The following CADM2 variants were observed in gnomAD, a reference collection of about 807,000 sequenced individuals.
CADM2 encodes immunoglobulin superfamily member 4D.
A neutral mutation model predicts 49.8 loss-of-function variants in CADM2; 12 were observed. The observed-to-expected ratio is 0.24, with a 90% CI of 0.15 to 0.39. The LOEUF (loss-of-function observed/expected upper bound fraction) is 0.39, where lower values mean the gene tolerates loss of function less well. Ranked by LOEUF, CADM2 falls within the 10% of genes least tolerant of loss-of-function variation. CADM2 has a pLI of 1.00. For synonymous variants in CADM2, 214 were observed against 175.4 expected, an observed-to-expected ratio of 1.22 and a Z score of -1.74; for missense variants, 378 against 492.3, an observed-to-expected ratio of 0.77 and a Z score of 2.20.
intron 7 of CADM2, among the ~76,000 whole-genome samples, chr3:85,948,739 A>G (rs1270338072): frequency 6.6e-6 from 1 of 151,464 alleles, no homozygotes; most frequent in Non-Finnish European, 1.5e-5. Context: ...ATAAAATAAA[A>G]TAAACAGCAA....
chr3:85,323,300 T>C lies in CADM2; in HGVS notation c.61+363632T>C, dbSNP rs137949455. The stretch of plus-strand genomic sequence containing the variant: ...AGACTTCCCTTAAATGGGACCTATT[T>C]GGTAGCATTTAATTCTGCAATATAT... On this transcript the variant is annotated intron_variant, in intron 1 of 9. Transcript: ENST00000383699. Among the ~76,000 whole-genome samples, 280 of 152,298 alleles carry C rather than the reference T, an allele frequency of 1.8e-3. 1 individual carries two copies. The highest frequency in any genetic ancestry group is 6.2e-3 in the African/African-American group (257 of 41,572).
At chr3:85,236,221 C>A (rs910448251) in intron 1 of CADM2, among the ~76,000 whole-genome samples, 2 of 151,894 alleles carry the variant, frequency 1.3e-5, no homozygotes, top group African/African-American at 4.8e-5. Context: ...AACTTCCTTC[C>A]CTCAGGTGTT....
intron 1 of CADM2, among the ~76,000 whole-genome samples, chr3:85,522,175 T>A (rs565101652): frequency 6.6e-6 from 1 of 152,286 alleles, no homozygotes; most frequent in South Asian, 2.1e-4. Flanking sequence ...GCAGTATACA[T>A]CACGATATTA....
chr3:85,961,006 A>G (rs1317384710), intron 7 of CADM2, among the ~76,000 whole-genome samples: 1 of 138,956 alleles, frequency 7.2e-6, no homozygotes, highest in Non-Finnish European at 1.5e-5. Flanking sequence ...TTTAGTATTC[A>G]TTATTATTAT....
intron 1 of CADM2, among the ~76,000 whole-genome samples, chr3:85,345,187 A>G (rs1386742080): frequency 6.6e-6 from 1 of 151,548 alleles, no homozygotes; most frequent in Non-Finnish European, 1.5e-5. Flanking sequence ...TGGTGTGTGC[A>G]CCCATAATCA....
At chr3:85,034,794 T>TTTTTTC in intron 1 of CADM2, among the ~76,000 whole-genome samples, 1 of 131,454 alleles carries the variant, frequency 7.6e-6, no homozygotes, top group African/African-American at 2.9e-5. Flanking sequence ...ATTTTGCTTT[T>TTTTTTC]TTTTTTTTTT....
intron 1 of CADM2, among the ~76,000 whole-genome samples, chr3:85,185,835 C>T (rs2041048010): frequency 6.6e-6 from 1 of 152,082 alleles, no homozygotes; most frequent in East Asian, 1.9e-4. Flanking sequence ...GATAGCAGCC[C>T]ACAAGGGGAG....
At chr3:86,059,299 C>T (rs893845794) in intron 8 of CADM2, among the ~76,000 whole-genome samples, 1 of 152,022 alleles carries the variant, frequency 6.6e-6, no homozygotes, top group Non-Finnish European at 1.5e-5. Flanking sequence ...TGTAGGATTT[C>T]TCCATATTAA....
chr3:85,239,408 A>G (rs570939397), intron 1 of CADM2, among the ~76,000 whole-genome samples: 1 of 151,886 alleles, frequency 6.6e-6, no homozygotes, highest in Admixed American at 6.6e-5. Flanking sequence ...AAAGAGCTGT[A>G]ACATTGTAAA....
chr3:85,746,694 G>A (rs1241347002), intron 2 of CADM2, among the ~76,000 whole-genome samples: 1 of 151,948 alleles, frequency 6.6e-6, no homozygotes, highest in Non-Finnish European at 1.5e-5. Context: ...GATCTTCTGA[G>A]GAAAAATTTC....
chr3:85,415,678 G>T (rs1237885188), intron 1 of CADM2, among the ~76,000 whole-genome samples: 2 of 152,080 alleles, frequency 1.3e-5, no homozygotes, highest in Non-Finnish European at 2.9e-5. Context: ...AAGTTCATGA[G>T]AGCTATTAAT....
intron 1 of CADM2, among the ~76,000 whole-genome samples, chr3:85,402,418 T>C (rs1169280973): frequency 6.6e-6 from 1 of 152,174 alleles, no homozygotes; most frequent in Non-Finnish European, 1.5e-5. Context: ...TGCTCACATA[T>C]ATTTATTAGT....
chr3:85,027,685 T>A (rs1310572476), intron 1 of CADM2, among the ~76,000 whole-genome samples: 1 of 152,138 alleles, frequency 6.6e-6, no homozygotes, highest in African/African-American at 2.4e-5. Flanking sequence ...TTTAGATAAT[T>A]ACCTTAAGCT....
At chr3:86,024,970 C>G (rs1033644067) in intron 8 of CADM2, among the ~76,000 whole-genome samples, 6 of 151,934 alleles carry the variant, frequency 3.9e-5, no homozygotes, top group African/African-American at 1.2e-4. Flanking sequence ...CTTCCACCTC[C>G]CAGGCTCAAG....
intron 1 of CADM2, among the ~76,000 whole-genome samples, chr3:85,007,398 G>C (rs1359496168): frequency 6.6e-6 from 1 of 152,142 alleles, no homozygotes; most frequent in Non-Finnish European, 1.5e-5. Context: ...ACAAATGAGT[G>C]TGTCTGTGTT....
intron 2 of CADM2, among the ~76,000 whole-genome samples, chr3:85,757,097 T>C (rs2069157595): frequency 6.6e-6 from 1 of 152,124 alleles, no homozygotes; most frequent in South Asian, 2.1e-4. Context: ...TGGCTGTTTA[T>C]GGCCTTATAA....
At chr3:85,984,621 A>G (rs1331043528) in intron 8 of CADM2, among the ~76,000 whole-genome samples, 2 of 151,912 alleles carry the variant, frequency 1.3e-5, no homozygotes, top group Non-Finnish European at 2.9e-5. Flanking sequence ...CACTAAATGT[A>G]GAGATGATCT....
chr3:85,098,651 T>C (rs1321485136), intron 1 of CADM2, among the ~76,000 whole-genome samples: 1 of 152,156 alleles, frequency 6.6e-6, no homozygotes, highest in Non-Finnish European at 1.5e-5. Context: ...TATTCGTCCC[T>C]CAGTACACAT....
chr3:85,795,439 T>G (rs1266877698), intron 2 of CADM2, among the ~76,000 whole-genome samples: 1 of 152,168 alleles, frequency 6.6e-6, no homozygotes, highest in Non-Finnish European at 1.5e-5. Context: ...TGCTCTGTAT[T>G]GGGAAAAACT....
Sources: gnomAD v4.1 joint callset for allele counts (sites outside exome capture counted in the v4.1 genomes callset) on GRCh38, gnomAD v4.1.1 for gene constraint, MANE v1.5 for transcripts, NCBI Gene and HGNC (gene_info 2026-07-23, HGNC 2026-07-21) for gene names.